CEP162: variants seen among roughly 807,000 people sequenced by gnomAD.
The protein encoded by CEP162 is centrosomal protein of 162 kDa.
A neutral mutation model predicts 169.2 loss-of-function variants in CEP162; 141 were observed. The observed-to-expected ratio is 0.83, with a 90% CI of 0.73 to 0.96. CEP162 has a LOEUF of 0.96. Among genes scored for constraint, CEP162 ranks in the 40% least tolerant of loss-of-function variants. The pLI is 0.00. For synonymous variants in CEP162, 540 were observed against 526.4 expected, an observed-to-expected ratio of 1.03 and a Z score of -0.35; for missense variants, 1,600 against 1,587.2, an observed-to-expected ratio of 1.01 and a Z score of -0.14.
chr6:84,192,643 A>G lies in CEP162; in HGVS notation c.1109+966T>C, dbSNP rs566228812. Among the ~76,000 whole-genome samples, 8 of 152,356 alleles carry G rather than the reference A, an allele frequency of 5.3e-5. No individual in the cohort carries two copies. The South Asian group carries it at 1.7e-3, about 32-fold the overall frequency. On this transcript the variant is annotated intron_variant, in intron 11 of 26. Coordinates refer to ENST00000403245, the MANE Select transcript of CEP162 (RefSeq NM_014895.4). Reference sequence around the variant, plus strand: ...ACAGTATAGGAAGGAGGCTGAAAACATGTCTGTTGAAGACACAAATGAACA... The same window carrying G: ...ACAGTATAGGAAGGAGGCTGAAAACGTGTCTGTTGAAGACACAAATGAACA...
chr6:84,181,698 A>C (rs2099534895), intron 13 of CEP162, among the ~76,000 whole-genome samples: 1 of 152,204 alleles, frequency 6.6e-6, no homozygotes, highest in Admixed American at 6.5e-5. Context: ...ACTATGGCTA[A>C]GAGACAAGTG....
intron 9 of CEP162, among the ~76,000 whole-genome samples, chr6:84,196,148 G>C (rs570654129): frequency 2.3e-4 from 35 of 152,270 alleles, no homozygotes; most frequent in Admixed American, 2.1e-3. Flanking sequence ...CAATTCTCAT[G>C]TGTCATGGGA....
Position 84,146,735 on chromosome 6 carries a change from T to C in CEP162, c.3822A>G (p.Gln1274=), listed in dbSNP as rs1159106484. 9.5e-6 allele frequency: 15 copies of C among 1,585,230 alleles called. No individual in the cohort carries two copies. Among genetic ancestry groups the C allele is most frequent in the African/African-American group, 2.7e-5 (2 of 74,408 alleles). The part of the protein sequence containing the change: ...QSQVNELQSK[Q]ESLVVSEVRE... ...GAACTTCAGAAACTACGAGAGACTC[T>C]TGTTTACTCTGCAGCTCATTAACTT... The change falls in exon 25 of 27, where the codon CAA becomes CAG. Residue 1274 remains glutamine, a synonymous_variant. Coordinates refer to ENST00000403245, the MANE Select transcript of CEP162 (RefSeq NM_014895.4).
At chr6:84,173,148 T>C (rs936185303) in intron 16 of CEP162, among the ~76,000 whole-genome samples, 7 of 152,196 alleles carry the variant, frequency 4.6e-5, no homozygotes, top group African/African-American at 7.2e-5. Flanking sequence ...TAAGAAAAGA[T>C]AGGACAGTTT....
In CEP162 at chr6:84,149,626, T is replaced by G; in HGVS notation, c.3707A>C (p.Gln1236Pro). Reference protein sequence around the residue: ...HQREIEKLLCQNAVENSSSKV... With the variant: ...HQREIEKLLCPNAVENSSSKV... ...GGAAGAAGAATTTTCTACTGCATTT[T>G]GGCAAAGGAGTTTCTCTATTTCTCT... Residue 1236 changes from glutamine to proline, a missense_variant, in exon 24 of 27, where the codon CAA becomes CCA. Gln to Pro is a moderately conservative substitution (Grantham distance 76). Coordinates refer to ENST00000403245, the MANE Select transcript of CEP162 (RefSeq NM_014895.4). 1 of 1,606,394 alleles carries G rather than the reference T, an allele frequency of 6.2e-7. No individual in the cohort carries two copies. Among genetic ancestry groups the G allele is most frequent in the South Asian group, 1.1e-5 (1 of 90,082 alleles).
At chr6:84,179,699 A>T (rs2099533934) in intron 13 of CEP162, among the ~76,000 whole-genome samples, 1 of 152,178 alleles carries the variant, frequency 6.6e-6, no homozygotes, top group Non-Finnish European at 1.5e-5. Flanking sequence ...CTACCATCAG[A>T]GAATATTATA....
chr6:84,145,434 T>C (rs1274987483), intron 25 of CEP162, among the ~76,000 whole-genome samples: 2 of 152,262 alleles, frequency 1.3e-5, no homozygotes, highest in African/African-American at 2.4e-5. Context: ...TTAATGAGAC[T>C]AGACTTATTT....
chr6:84,126,290 A>AT, intron 26 of CEP162, 88 bp downstream of exon 26: 1 of 942,944 alleles, frequency 1.1e-6, no homozygotes, highest in South Asian at 3.0e-5. Flanking sequence ...TTAAGTGGTA[A>AT]TTTTTGCTAG....
intron 25 of CEP162, among the ~76,000 whole-genome samples, chr6:84,138,978 A>G (rs2099515349): frequency 6.6e-6 from 1 of 152,212 alleles, no homozygotes; most frequent in Non-Finnish European, 1.5e-5. Context: ...TCATAATACA[A>G]TTGGCTCTAT....
At chr6:84,212,780 A>G (rs2099550020) in intron 6 of CEP162, among the ~76,000 whole-genome samples, 177 bp downstream of exon 6, 2 of 152,134 alleles carry the variant, frequency 1.3e-5, no homozygotes, top group African/African-American at 4.8e-5. Flanking sequence ...AAACCTTTTT[A>G]AGGCAGTTCA....
At chr6:84,176,866 A>G (rs559406128) in intron 13 of CEP162, among the ~76,000 whole-genome samples, 3 of 152,038 alleles carry the variant, frequency 2.0e-5, no homozygotes, top group African/African-American at 7.2e-5. Flanking sequence ...TCAGTGGACT[A>G]AAGTATCAAG....
intron 17 of CEP162, among the ~76,000 whole-genome samples, chr6:84,170,823 C>A (rs191518918): frequency 1.2e-4 from 18 of 152,272 alleles, no homozygotes; most frequent in African/African-American, 3.6e-4. Context: ...GTCCAAAAGA[C>A]CTTATAGTCT....
chr6:84,166,209 T>G (rs1200430357), intron 18 of CEP162, among the ~76,000 whole-genome samples: 5 of 152,164 alleles, frequency 3.3e-5, no homozygotes, highest in Non-Finnish European at 7.4e-5. Flanking sequence ...CGTGCAGACA[T>G]TCAGAGAGGC....
At chr6:84,226,265 G>T (rs1213778210) in intron 2 of CEP162, 72 bp downstream of exon 2, 8 of 1,004,164 alleles carry the variant, frequency 8.0e-6, no homozygotes, top group Non-Finnish European at 1.2e-5. Flanking sequence ...CTGTATCTTC[G>T]AGATGACAGA....
chr6:84,209,614 A>G (rs1271715862), intron 6 of CEP162, among the ~76,000 whole-genome samples: 1 of 152,118 alleles, frequency 6.6e-6, no homozygotes, highest in African/African-American at 2.4e-5. Context: ...ATGTCAGGTG[A>G]TCCACCCGCC....
At chr6:84,179,750 G>A (rs955626861) in intron 13 of CEP162, among the ~76,000 whole-genome samples, 1 of 152,026 alleles carries the variant, frequency 6.6e-6, no homozygotes, top group East Asian at 1.9e-4. Flanking sequence ...TAGAAGAAAT[G>A]GATAAATTCC....
At chr6:84,151,414 A>C (rs2099521042) in intron 23 of CEP162, among the ~76,000 whole-genome samples, 1 of 152,068 alleles carries the variant, frequency 6.6e-6, no homozygotes, top group African/African-American at 2.4e-5. Context: ...TAATTAAAAT[A>C]AATATAGACA....
At chr6:84,212,798 C>G (rs2099550026) in intron 6 of CEP162, among the ~76,000 whole-genome samples, 159 bp downstream of exon 6, 1 of 152,074 alleles carries the variant, frequency 6.6e-6, no homozygotes, top group South Asian at 2.1e-4. Flanking sequence ...TCACTTTCAA[C>G]AATTTCTTAG....
At chr6:84,172,460 CT>C (rs1183781214) in intron 16 of CEP162, among the ~76,000 whole-genome samples, 2 of 152,154 alleles carry the variant, frequency 1.3e-5, no homozygotes, top group Non-Finnish European at 2.9e-5. Context: ...AAACTATAGA[CT>C]GTTTTACCAT....
Sources: gnomAD v4.1 joint callset for allele counts (sites outside exome capture counted in the v4.1 genomes callset) on GRCh38, gnomAD v4.1.1 for gene constraint, MANE v1.5 for transcripts, NCBI Gene and HGNC (gene_info 2026-07-23, HGNC 2026-07-21) for gene names.